The following DLG2 variants were observed in gnomAD, a reference collection of about 807,000 sequenced individuals.
DLG2 encodes the protein discs large MAGUK scaffold protein 2.
DLG2 carries 45 observed loss-of-function variants against 132.5 expected under a neutral mutation model. That is an observed-to-expected ratio of 0.34 (90% confidence interval 0.27 to 0.44). The LOEUF (loss-of-function observed/expected upper bound fraction) is 0.44. Ranked by LOEUF, DLG2 falls within the 20% of genes least tolerant of loss-of-function variation. DLG2 has a pLI of 1.00. For synonymous variants in DLG2, 424 were observed against 419.6 expected (o/e 1.01, Z -0.13); for missense variants, 1,045 against 1,196.9 (o/e 0.87, Z 1.87).
At position 84,251,283 on chromosome 11, in the gene DLG2, A is replaced by T. The variant is rs768011386; in HGVS notation, c.528T>A (p.Pro176=). Residue 176 remains proline, a synonymous_variant, in exon 8 of 28, where the codon CCT becomes CCA. Transcript: ENST00000376104. ...QSHISPLKAS[P]APIIVNTDTL... is the part of the protein sequence containing the mutation. ...TATCTGTGTTGACAATTATAGGAGC[A>T]GGACTGGCCTGAAAAAAGAAATAGA... 6.3e-7 allele frequency: 1 copy of T among 1,587,524 alleles called. No homozygotes were observed. The highest frequency in any genetic ancestry group is 1.2e-5 in the South Asian group (1 of 84,450).
At chr11:84,569,250 C>A (rs2099470631) in intron 6 of DLG2, among the ~76,000 whole-genome samples, 1 of 152,066 alleles carries the variant, frequency 6.6e-6, no homozygotes, top group Non-Finnish European at 1.5e-5. Context: ...GAAGATCTAG[C>A]CCTGCCAAAG....
intron 6 of DLG2, among the ~76,000 whole-genome samples, chr11:84,684,037 T>C (rs1036021415): frequency 6.6e-6 from 1 of 152,268 alleles, no homozygotes; most frequent in East Asian, 1.9e-4. Context: ...CCTAAGCAAT[T>C]TGTTTCATGT....
At chr11:85,387,642 G>T (rs2086454475) in intron 3 of DLG2, among the ~76,000 whole-genome samples, 1 of 152,132 alleles carries the variant, frequency 6.6e-6, no homozygotes, top group Non-Finnish European at 1.5e-5. Context: ...CCTCAATAAT[G>T]GATCAATGAG....
At chr11:85,191,836 T>A (rs1338984899) in intron 4 of DLG2, among the ~76,000 whole-genome samples, 2 of 152,182 alleles carry the variant, frequency 1.3e-5, no homozygotes, top group Non-Finnish European at 2.9e-5. Flanking sequence ...GAGCTTTACA[T>A]ACATTATCTC....
intron 17 of DLG2, among the ~76,000 whole-genome samples, chr11:83,818,836 G>A (rs974592656): frequency 6.6e-6 from 1 of 152,104 alleles, no homozygotes; most frequent in East Asian, 1.9e-4. Flanking sequence ...CATTAGAGAA[G>A]AAAAGTCAGG....
chr11:83,462,654 G>C (rs2090251338), intron 26 of DLG2, among the ~76,000 whole-genome samples: 1 of 152,146 alleles, frequency 6.6e-6, no homozygotes, highest in African/African-American at 2.4e-5. Flanking sequence ...ATAAAATGCA[G>C]TTATAGGAAT....
At chr11:84,961,526 TTGTGTG>T (rs71465017) in intron 6 of DLG2, among the ~76,000 whole-genome samples, 9,804 of 143,756 alleles carry the variant, frequency 0.068, 592 homozygotes, top group African/African-American at 0.18. Context: ...AATTGTATCT[TTGTGTG>T]TGTGTGTGTG....
chr11:84,744,162 G>C (rs928423022), intron 6 of DLG2, among the ~76,000 whole-genome samples: 3 of 151,956 alleles, frequency 2.0e-5, no homozygotes, highest in African/African-American at 7.2e-5. Context: ...GAAGAGCCCT[G>C]AACAACAACA....
At chr11:84,840,430 G>C (rs1003056019) in intron 6 of DLG2, among the ~76,000 whole-genome samples, 1 of 152,150 alleles carries the variant, frequency 6.6e-6, no homozygotes, top group African/African-American at 2.4e-5. Flanking sequence ...AAGACAGTGT[G>C]ACTAATTCCT....
intron 7 of DLG2, among the ~76,000 whole-genome samples, chr11:84,252,323 G>C (rs1051932853): frequency 1.3e-5 from 2 of 151,282 alleles, no homozygotes; most frequent in African/African-American, 2.4e-5. Context: ...GCTAATTTTT[G>C]TATTTTTAGT....
intron 21 of DLG2, among the ~76,000 whole-genome samples, chr11:83,514,740 G>A (rs1408589356): frequency 6.6e-6 from 1 of 152,072 alleles, no homozygotes; most frequent in Non-Finnish European, 1.5e-5. Context: ...TTAGCATGAA[G>A]GGTTGTTGAA....
chr11:84,821,796 A>G (rs931222585), intron 6 of DLG2, among the ~76,000 whole-genome samples: 9 of 151,852 alleles, frequency 5.9e-5, no homozygotes, highest in Admixed American at 1.3e-4. Flanking sequence ...AAGAAAAAGC[A>G]AGATAAATGA....
chr11:83,992,016 C>G (rs2200204), intron 11 of DLG2, among the ~76,000 whole-genome samples: 5 of 151,760 alleles, frequency 3.3e-5, no homozygotes, highest in Non-Finnish European at 5.9e-5. Flanking sequence ...AGTGACACAG[C>G]GATTAGAATG....
chr11:84,963,242 C>T (rs2052844814), intron 6 of DLG2, among the ~76,000 whole-genome samples: 1 of 152,138 alleles, frequency 6.6e-6, no homozygotes, highest in African/African-American at 2.4e-5. Context: ...TAACATATGC[C>T]TATTATTGGA....
chr11:83,888,413 A>G (rs1479381240), intron 15 of DLG2, among the ~76,000 whole-genome samples: 2 of 152,076 alleles, frequency 1.3e-5, no homozygotes, highest in African/African-American at 4.8e-5. Context: ...GGACCTCTTC[A>G]AGGAGAACTA....
intron 6 of DLG2, among the ~76,000 whole-genome samples, chr11:84,708,975 C>G (rs915272973): frequency 6.6e-6 from 1 of 151,866 alleles, no homozygotes; most frequent in African/African-American, 2.4e-5. Context: ...AAAAAGTTGT[C>G]TAGTTGAATA....
chr11:84,789,569 A>T (rs1481124695), intron 6 of DLG2, among the ~76,000 whole-genome samples: 1 of 152,146 alleles, frequency 6.6e-6, no homozygotes, highest in African/African-American at 2.4e-5. Context: ...CAATCGAATT[A>T]TACTTTTTAG....
rs1272259452 is a variant in DLG2, at chr11:83,648,182, G to A, written c.1826-14857C>T. 5 of 152,088 alleles carry A rather than the reference G, an allele frequency of 3.3e-5. No individual in the cohort carries two copies. The South Asian group carries it at 1.0e-3, about 32-fold the overall frequency. The allele number at this position is 152,088 out of a possible 1,614,324, so 9.4% of individuals were successfully genotyped here. On this transcript the variant is annotated intron_variant, in intron 18 of 27. Transcript: ENST00000376104. ...ATTAGGGGACACAGGCAAGAAAATA[G>A]ACAGTAAGTTTGTTAAGGCATGAAC...
chr11:83,960,712 AG>A (rs2088447534), intron 14 of DLG2, among the ~76,000 whole-genome samples: 1 of 151,822 alleles, frequency 6.6e-6, no homozygotes, highest in Non-Finnish European at 1.5e-5. Flanking sequence ...GTGCAGCACC[AG>A]GTGTCTTATA....
Sources: allele counts gnomAD v4.1 joint callset (sites outside exome capture counted in the v4.1 genomes callset), GRCh38; gene constraint gnomAD v4.1.1; transcripts MANE v1.5; gene names NCBI Gene and HGNC (gene_info 2026-07-23, HGNC 2026-07-21).